ARHGAP10: variants seen among roughly 807,000 people sequenced by gnomAD.
The protein encoded by ARHGAP10 is rho GTPase-activating protein 10.
A neutral mutation model predicts 108.6 loss-of-function variants in ARHGAP10; 87 were observed. The observed-to-expected ratio is 0.80, with a 90% CI of 0.67 to 0.96. ARHGAP10 has a LOEUF of 0.96. Among genes scored for constraint, ARHGAP10 ranks in the 40% least tolerant of loss-of-function variants. The pLI is 0.00. For missense variants in ARHGAP10, 939 were observed against 954.5 expected, an observed-to-expected ratio of 0.98 and a Z score of 0.21; for synonymous variants, 347 against 341.1, an observed-to-expected ratio of 1.02 and a Z score of -0.19.
chr4:147,930,980 G>A (rs1408093889), intron 13 of ARHGAP10, among the ~76,000 whole-genome samples: 3 of 152,174 alleles, frequency 2.0e-5, no homozygotes, highest in East Asian at 3.8e-4. Context: ...GTAGTTCCAT[G>A]CAGGTGTTTT....
At chr4:147,777,076 C>G (rs1730325205) in intron 1 of ARHGAP10, among the ~76,000 whole-genome samples, 1 of 152,218 alleles carries the variant, frequency 6.6e-6, no homozygotes, top group Middle Eastern at 3.4e-3. Context: ...ATAGCTGTTA[C>G]AGTCAGTTTT....
At chr4:147,892,283 G>A (rs894017680) in intron 10 of ARHGAP10, among the ~76,000 whole-genome samples, 23 of 152,124 alleles carry the variant, frequency 1.5e-4, no homozygotes, top group African/African-American at 4.3e-4. Context: ...ATGCTGTACC[G>A]TTTCTCAATT....
At chr4:147,749,019 A>G (rs886250648) in intron 1 of ARHGAP10, among the ~76,000 whole-genome samples, 9 of 152,200 alleles carry the variant, frequency 5.9e-5, no homozygotes, top group African/African-American at 2.2e-4. Flanking sequence ...AACTCACTTT[A>G]TTAGACCTGT....
chr4:147,893,513 TAAG>T (rs1030188475), intron 10 of ARHGAP10, among the ~76,000 whole-genome samples: 99 of 147,714 alleles, frequency 6.7e-4, no homozygotes, highest in African/African-American at 2.3e-3. Context: ...AAAGGTATAA[TAAG>T]AATATATATA....
intron 18 of ARHGAP10, among the ~76,000 whole-genome samples, chr4:147,967,721 AGCCCGCAAGG>A (rs1460139675): frequency 7.5e-4 from 114 of 152,362 alleles, no homozygotes; most frequent in African/African-American, 2.7e-3. Flanking sequence ...GAGACCAGAT[AGCCCGCAAGG>A]CATAACTATG....
chr4:147,780,166 C>T (rs1730471884), intron 1 of ARHGAP10, among the ~76,000 whole-genome samples: 1 of 152,156 alleles, frequency 6.6e-6, no homozygotes, highest in Non-Finnish European at 1.5e-5. Flanking sequence ...AATCTGTGAG[C>T]TACCCATAAA....
chr4:147,994,089 C>T (rs1052612091), intron 18 of ARHGAP10, among the ~76,000 whole-genome samples: 3 of 152,224 alleles, frequency 2.0e-5, no homozygotes, highest in African/African-American at 7.2e-5. Flanking sequence ...TTTCGGGCAG[C>T]TAAGCCACAC....
At chr4:147,841,510 T>C (rs1387071555) in intron 3 of ARHGAP10, among the ~76,000 whole-genome samples, 1 of 152,166 alleles carries the variant, frequency 6.6e-6, no homozygotes, top group East Asian at 1.9e-4. Flanking sequence ...TGGTATTCAT[T>C]TGTTGCTGGG....
At chr4:147,828,494 T>C (rs1732814132) in intron 3 of ARHGAP10, among the ~76,000 whole-genome samples, 1 of 152,156 alleles carries the variant, frequency 6.6e-6, no homozygotes, top group Non-Finnish European at 1.5e-5. Flanking sequence ...GATAAAGACA[T>C]AAGTAGTGAT....
intron 3 of ARHGAP10, among the ~76,000 whole-genome samples, chr4:147,823,414 CT>C (rs1732585063): frequency 1.3e-5 from 2 of 152,028 alleles, no homozygotes; most frequent in Non-Finnish European, 2.9e-5. Context: ...CCTTGGAGGT[CT>C]TTGAGATCCC....
At chr4:147,932,613 A>G (rs1737749430) in intron 13 of ARHGAP10, among the ~76,000 whole-genome samples, 1 of 149,212 alleles carries the variant, frequency 6.7e-6, no homozygotes, top group Non-Finnish European at 1.5e-5. Context: ...TAACACATGG[A>G]CACATGGGGG....
intron 18 of ARHGAP10, among the ~76,000 whole-genome samples, chr4:147,968,748 T>C (rs1739293949): frequency 6.6e-6 from 1 of 152,238 alleles, no homozygotes; most frequent in Non-Finnish European, 1.5e-5. Flanking sequence ...GATGGGGAGC[T>C]TGAAAACTGT....
chr4:147,737,572 C>T (rs1458011625), intron 1 of ARHGAP10, among the ~76,000 whole-genome samples: 2 of 152,104 alleles, frequency 1.3e-5, no homozygotes, highest in Non-Finnish European at 2.9e-5. Context: ...TAATAAATTG[C>T]AGGGTAATTT....
At chr4:147,985,901 T>C (rs1372943470) in intron 18 of ARHGAP10, among the ~76,000 whole-genome samples, 1 of 152,192 alleles carries the variant, frequency 6.6e-6, no homozygotes, top group African/African-American at 2.4e-5. Context: ...CTGCCTCTTA[T>C]GTATTGAGGC....
intron 18 of ARHGAP10, among the ~76,000 whole-genome samples, chr4:148,001,322 T>C (rs1304033582): frequency 1.3e-5 from 2 of 152,220 alleles, no homozygotes; most frequent in East Asian, 3.8e-4. Flanking sequence ...TGTAGCCTTG[T>C]AGTATAGTTT....
At chr4:147,739,495 G>C (rs1053512450) in intron 1 of ARHGAP10, among the ~76,000 whole-genome samples, 1 of 152,106 alleles carries the variant, frequency 6.6e-6, no homozygotes, top group African/African-American at 2.4e-5. Flanking sequence ...TTTTGAGGAC[G>C]TGAACTCAAA....
chr4:148,032,891 A>C (rs1199889252), intron 19 of ARHGAP10, among the ~76,000 whole-genome samples: 1 of 152,170 alleles, frequency 6.6e-6, no homozygotes, highest in Non-Finnish European at 1.5e-5. Context: ...ACGGCTGTGG[A>C]AGATTCAGCA....
chr4:147,859,838 C>T (rs1734241615), intron 5 of ARHGAP10, among the ~76,000 whole-genome samples: 1 of 152,172 alleles, frequency 6.6e-6, no homozygotes. Flanking sequence ...ATGAAGAGAT[C>T]CTAACGATGA....
chr4:147,960,869 A>G (rs1404338190), intron 16 of ARHGAP10, among the ~76,000 whole-genome samples: 1 of 152,176 alleles, frequency 6.6e-6, no homozygotes, highest in Non-Finnish European at 1.5e-5. Flanking sequence ...TCATTTTGTG[A>G]GATTCATCTC....
Sources: allele counts gnomAD v4.1 joint callset (sites outside exome capture counted in the v4.1 genomes callset), GRCh38; gene constraint gnomAD v4.1.1; transcripts MANE v1.5; gene names NCBI Gene and HGNC (gene_info 2026-07-23, HGNC 2026-07-21).